The following EMC4 variants were observed in gnomAD, a reference collection of about 807,000 sequenced individuals.
The protein encoded by EMC4 is cell proliferation-inducing gene 17 protein.
In EMC4, 9 loss-of-function variants were observed where a neutral mutation model predicts 24.2. The observed-to-expected ratio is 0.37, with a 90% confidence interval of 0.22 to 0.65. The LOEUF (loss-of-function observed/expected upper bound fraction) is 0.65. EMC4 is among the 30% of genes least tolerant of loss of function. The pLI is 0.59. For missense variants in EMC4, 169 were observed against 234.6 expected (o/e 0.72, Z 1.83); for synonymous variants, 86 against 81.1 (o/e 1.06, Z -0.32).
At chr15:34,226,517 C>T (rs1890653295) in intron 2 of EMC4, 1 of 151,856 alleles carries the variant, frequency 6.6e-6, no homozygotes, top group African/African-American at 2.4e-5. Context: ...GAAATGGATG[C>T]TTAGTTTATT....
Position 34,225,661 on chromosome 15 carries a change from A to G in EMC4, c.201+11A>G, listed in dbSNP as rs765256728. The G allele has an allele frequency of 2.5e-6, 4 of 1,604,378 alleles. No homozygotes were observed. The highest frequency in any genetic ancestry group is 3.4e-6 in the Non-Finnish European group (4 of 1,171,222). On this transcript the variant is annotated intron_variant, in intron 2 of 4. Transcript: ENST00000267750. ...ATCCTGGTGGAGAAGGTACAGAGGT[A>G]TAGATGTTACCGTAGCCCATGGGCC...
intron 3 of EMC4, 79 bp downstream of exon 3, chr15:34,227,925 A>T (rs2140595370): frequency 6.7e-7 from 1 of 1,493,476 alleles, no homozygotes. Flanking sequence ...TCACGCCTGT[A>T]ATCCCAGCAC....
intron 1 of EMC4, 147 bp downstream of exon 1, chr15:34,225,347 T>A (rs1890621101): frequency 1.2e-6 from 1 of 844,294 alleles, no homozygotes; most frequent in Middle Eastern, 2.3e-4. Context: ...GCCGTGGAAG[T>A]TTCTCTGCTC....
At chr15:34,229,693 A>G in intron 4 of EMC4, 60 bp from the exon 5 acceptor site, 1 of 939,676 alleles carries the variant, frequency 1.1e-6, no homozygotes, top group Non-Finnish European at 1.7e-6. Flanking sequence ...TAATTGATTC[A>G]GGAAGTTATT....
Position 34,225,105 on chromosome 15 carries a change from A to C in EMC4, c.-10A>C. On this transcript the variant is annotated 5_prime_UTR_variant, in exon 1 of 5. Transcript: ENST00000267750. ...GAGAAGCATCGAGGCTATAGGACGC[A>C]GCTGTTGCCATGACGGCCCAGGGGG... 6.4e-7 allele frequency: 1 copy of C among 1,551,164 alleles called. No homozygotes were observed.
intron 2 of EMC4, chr15:34,225,890 G>A: frequency 1.9e-6 from 1 of 520,716 alleles, no homozygotes; most frequent in South Asian, 1.6e-5. Flanking sequence ...TCTTTTGGTG[G>A]CAACATCTTC....
intron 3 of EMC4, chr15:34,228,067 C>T (rs760233819): frequency 2.1e-5 from 10 of 476,388 alleles, no homozygotes; most frequent in Non-Finnish European, 3.8e-5. Context: ...CCTGTAATCC[C>T]AGCTGCTTGG....
intron 4 of EMC4, chr15:34,229,542 AG>A: frequency 2.0e-6 from 1 of 508,716 alleles, no homozygotes; most frequent in Non-Finnish European, 3.5e-6. Context: ...CATGTTGCCC[AG>A]GCTGGTCTTG....
intron 3 of EMC4, 104 bp from the exon 4 acceptor site, chr15:34,228,325 C>T (rs1023629344): frequency 8.3e-7 from 1 of 1,211,194 alleles, no homozygotes; most frequent in Non-Finnish European, 1.2e-6. Context: ...GTCCTATTTG[C>T]TGTCTTACTA....
chr15:34,226,902 A>G (rs989670812), intron 2 of EMC4: 2 of 152,192 alleles, frequency 1.3e-5, no homozygotes, highest in South Asian at 2.1e-4. Flanking sequence ...ACCTGGTAGT[A>G]TGTATTTAAG....
At chr15:34,228,770 C>T (rs1312061651) in intron 4 of EMC4, 181 bp downstream of exon 4, 15 of 459,708 alleles carry the variant, frequency 3.3e-5, no homozygotes, top group African/African-American at 1.9e-4. Flanking sequence ...CGGCAACCTC[C>T]GCCTCCTGGG....
In EMC4 at chr15:34,228,570, C is replaced by G. The variant is rs1890718984; in HGVS notation, c.497C>G (p.Ala166Gly). Reference sequence around the variant, plus strand: ...CCTACACATGCATCGGATTGGTTAGCCTTCATTGAGCCCCCTGAGGTAAGG... The same window carrying G: ...CCTACACATGCATCGGATTGGTTAGGCTTCATTGAGCCCCCTGAGGTAAGG... The part of the protein sequence containing the change: ...LLPTHASDWL[A>G]FIEPPERMEF... The change falls in exon 4 of 5, where the codon GCC (alanine) becomes GGC (glycine). Residue 166 changes from alanine to glycine, a missense_variant. Coordinates refer to ENST00000267750, the MANE Select transcript of EMC4 (RefSeq NM_016454.4). The G allele has an allele frequency of 6.2e-7, 1 of 1,613,326 alleles. No homozygotes were observed. The highest frequency in any genetic ancestry group is 1.3e-5 in the African/African-American group (1 of 74,824).
At chr15:34,226,272 A>G (rs1300472655) in intron 2 of EMC4, 1 of 167,024 alleles carries the variant, frequency 6.0e-6, no homozygotes, top group Non-Finnish European at 1.3e-5. Context: ...AAAATTTCAA[A>G]TGTATTGATA....
intron 2 of EMC4, 23 bp downstream of exon 2, chr15:34,225,673 G>C (rs377105073): frequency 1.3e-6 from 2 of 1,565,096 alleles, no homozygotes; most frequent in African/African-American, 2.7e-5. Context: ...AGATGTTACC[G>C]TAGCCCATGG....
intron 3 of EMC4, 150 bp from the exon 4 acceptor site, chr15:34,228,279 G>A: frequency 1.4e-6 from 1 of 723,020 alleles, no homozygotes; most frequent in Non-Finnish European, 2.3e-6. Context: ...GGAGGGGAGT[G>A]TAGTGCTTAC....
chr15:34,226,719 T>C (rs1890658059), intron 2 of EMC4: 1 of 152,172 alleles, frequency 6.6e-6, no homozygotes, highest in South Asian at 2.1e-4. Flanking sequence ...TTTTTTTGTA[T>C]TTTTAGTAGA....
rs759630665 is a variant in EMC4, at chr15:34,229,887, AT to A, written c.*100del. The A allele has an allele frequency of 8.6e-7, 1 of 1,163,700 alleles. No individual in the cohort carries two copies. Among genetic ancestry groups the A allele is most frequent in the East Asian group, 2.3e-5 (1 of 42,560 alleles). 72.1% of individuals were successfully genotyped at this position (1,163,700 alleles called of 1,614,324 possible). A position where few individuals can be genotyped will look rare whatever the true frequency, so the allele number is the denominator to read the frequency against. ...CAGCATACTCTTAAACTAATCACTTATGTTAAAAAGAACCAAAAGACTCTTT... is the reference window on the plus strand; with the variant it reads ...CAGCATACTCTTAAACTAATCACTTAGTTAAAAAGAACCAAAAGACTCTTT... On this transcript the variant is annotated 3_prime_UTR_variant, in exon 5 of 5. Coordinates refer to ENST00000267750, the MANE Select transcript of EMC4 (RefSeq NM_016454.4).
At chr15:34,227,973 A>C in intron 3 of EMC4, 127 bp downstream of exon 3, 2 of 970,122 alleles carry the variant, frequency 2.1e-6, no homozygotes, top group South Asian at 3.1e-5. Flanking sequence ...ATCTGAGGGC[A>C]GGAGTTCGAG....
chr15:34,229,705 TAAC>T (rs1337727764), intron 4 of EMC4, 45 bp from the exon 5 acceptor site: 6 of 1,024,714 alleles, frequency 5.9e-6, no homozygotes, highest in Non-Finnish European at 7.4e-6. Flanking sequence ...GAAGTTATTT[TAAC>T]ACTCATTTGC....
Sources: allele counts gnomAD v4.1 joint callset, GRCh38; gene constraint gnomAD v4.1.1; transcripts MANE v1.5; gene names NCBI Gene and HGNC (gene_info 2026-07-23, HGNC 2026-07-21).